RPH3AL: variants seen among roughly 807,000 people sequenced by gnomAD.
RPH3AL encodes rab effector Noc2.
RPH3AL carries 38 observed loss-of-function variants against 43.1 expected under a neutral mutation model. The observed-to-expected ratio is 0.88, with a 90% CI of 0.68 to 1.15. RPH3AL has a LOEUF of 1.15. RPH3AL is among the 50% of genes most tolerant of loss of function. The pLI, the probability that RPH3AL is intolerant of heterozygous loss-of-function variation, is 0.00. For synonymous variants in RPH3AL, 189 were observed against 176.3 expected (o/e 1.07, Z -0.57); for missense variants, 462 against 423.2 (o/e 1.09, Z -0.81).
At chr17:231,972 A>G (rs973433174) in intron 7 of RPH3AL, among the ~76,000 whole-genome samples, 22 of 152,356 alleles carry the variant, frequency 1.4e-4, no homozygotes, top group African/African-American at 5.0e-4. Flanking sequence ...CAGGAAAGCA[A>G]CAGCGGCTCA....
intron 8 of RPH3AL, among the ~76,000 whole-genome samples, chr17:218,625 A>G (rs1339992778): frequency 2.0e-5 from 3 of 152,202 alleles, no homozygotes; most frequent in Non-Finnish European, 4.4e-5. Flanking sequence ...TTTTCCCAGA[A>G]GTCCTTTGTG....
At chr17:233,252 T>C (rs1182497008) in intron 7 of RPH3AL, among the ~76,000 whole-genome samples, 1 of 152,144 alleles carries the variant, frequency 6.6e-6, no homozygotes, top group Non-Finnish European at 1.5e-5. Flanking sequence ...ACCCCCCGCC[T>C]GAAATTCCTC....
At chr17:297,287 G>A (rs575870407) in intron 5 of RPH3AL, among the ~76,000 whole-genome samples, 14 of 152,282 alleles carry the variant, frequency 9.2e-5, no homozygotes, top group South Asian at 2.1e-4. Flanking sequence ...AATATCCTTC[G>A]TCATAAACCA....
In RPH3AL at chr17:246,778, C is replaced by T. The variant is rs900411606; in HGVS notation, c.613+333G>A. Among the ~76,000 whole-genome samples, 1 of 152,224 alleles carries T rather than the reference C, an allele frequency of 6.6e-6. No individual in the cohort carries two copies. Among genetic ancestry groups the T allele is most frequent in the Non-Finnish European group, 1.5e-5 (1 of 68,040 alleles). ...GCCTGGGAAAGATGTAGGTTTTATA[C>T]TTTGCAAAATACCTTAATTGACGTC... On this transcript the variant is annotated intron_variant, in intron 7 of 9. Coordinates refer to ENST00000331302, the MANE Select transcript of RPH3AL (RefSeq NM_006987.4). This position sits in a 1 kb window ranked among gnomAD's most constrained non-coding sequence, Gnocchi z 4.8.
In RPH3AL at chr17:332,875, G is replaced by A. The variant is rs951179750; in HGVS notation, c.-37+884C>T. On this transcript the variant is annotated intron_variant, in intron 2 of 9. Coordinates refer to ENST00000331302, the MANE Select transcript of RPH3AL (RefSeq NM_006987.4). ...AGCACTCGGGCTGGCCGGCCCAGCA[G>A]GCAGATGTTCCGGAACCCTTGTAAA... 21 of 583,694 alleles carry A rather than the reference G, an allele frequency of 3.6e-5. No individual in the cohort carries two copies. The African/African-American group carries it at 3.7e-4, about 10-fold the overall frequency. The allele number at this position is 583,694 out of a possible 1,614,324, so 36.2% of individuals were successfully genotyped here.
intron 7 of RPH3AL, among the ~76,000 whole-genome samples, chr17:236,417 G>C (rs2041395979): frequency 6.6e-6 from 1 of 152,080 alleles, no homozygotes; most frequent in South Asian, 2.1e-4. Context: ...GCCTTAGCTG[G>C]CCACGCCATC....
chr17:270,278 A>G (rs1338378002), intron 6 of RPH3AL, among the ~76,000 whole-genome samples: 1 of 152,216 alleles, frequency 6.6e-6, no homozygotes, highest in African/African-American at 2.4e-5. Context: ...TGCAAGTAAC[A>G]GCAGAACCAG....
intron 5 of RPH3AL, among the ~76,000 whole-genome samples, chr17:298,000 GC>G (rs1324243114): frequency 1.3e-5 from 2 of 152,060 alleles, no homozygotes; most frequent in Non-Finnish European, 2.9e-5. Context: ...CACCGGCCTT[GC>G]CAAGCCCACC....
At position 306,611 on chromosome 17, in the gene RPH3AL, G is replaced by C. The variant is rs1230933013; in HGVS notation, c.351+12809C>G. 2.6e-5 allele frequency: 4 copies of C among 152,232 alleles called. No individual in the cohort carries two copies. The East Asian group carries it at 5.8e-4, about 22-fold the overall frequency. The allele number at this position is 152,232 out of a possible 1,614,324, so 9.4% of individuals were successfully genotyped here. On this transcript the variant is annotated intron_variant, in intron 5 of 9. Transcript: ENST00000331302. ...ATTCAGGCCTTCATTATGGCGAATTGGATAATTAGTATCCACGAATCCTCT... is the reference window on the plus strand; with the variant it reads ...ATTCAGGCCTTCATTATGGCGAATTCGATAATTAGTATCCACGAATCCTCT...
In RPH3AL at chr17:242,806, TATTG is replaced by T. The variant is rs534045448; in HGVS notation, c.613+4301_613+4304del. 1.3e-3 allele frequency among the ~76,000 whole-genome samples: 170 copies of T among 132,790 alleles called. 11 individuals are homozygous for T. Among genetic ancestry groups the T allele is most frequent in the African/African-American group, 4.4e-3 (155 of 35,522 alleles). The allele number at this position is 132,790 out of a possible 152,430, so 87.1% of individuals were successfully genotyped here. A position where few individuals can be genotyped will look rare whatever the true frequency, so the allele number is the denominator to read the frequency against. Reference sequence around the variant, plus strand: ...CCTTCCTCTAATGACTACCTTCCTCTATTGATTACCTTCCTCTATTGATTACCCT... The same window carrying T: ...CCTTCCTCTAATGACTACCTTCCTCTATTACCTTCCTCTATTGATTACCCT... On this transcript the variant is annotated intron_variant, in intron 7 of 9. Transcript: ENST00000331302.
rs902604573 is a variant in RPH3AL, at chr17:213,779, C to T, written c.*73G>A. On this transcript the variant is annotated 3_prime_UTR_variant, in exon 10 of 10. Transcript: ENST00000331302. ...AGGGTGTCTGGTGAGGGCACAAGGA[C>T]CGGTCAGGGAGGAGCCGGGCAGGGT... 5.4e-5 allele frequency: 67 copies of T among 1,251,584 alleles called. 2 individuals are homozygous for T. Among genetic ancestry groups the T allele is most frequent in the Non-Finnish European group, 5.4e-5 (47 of 865,222 alleles). 77.5% of individuals were successfully genotyped at this position (1,251,584 alleles called of 1,614,324 possible). A position where few individuals can be genotyped will look rare whatever the true frequency, so the allele number is the denominator to read the frequency against.
chr17:253,797 CATCCCTA>C lies in RPH3AL; in HGVS notation c.439-6519_439-6513del, dbSNP rs1555543663. Among the ~76,000 whole-genome samples the C allele has an allele frequency of 4.6e-4, 36 of 79,000 alleles. 1 individual carries two copies. Among genetic ancestry groups the C allele is most frequent in the South Asian group, 3.6e-3 (6 of 1,650 alleles). The allele number at this position is 79,000 out of a possible 152,430, so 51.8% of individuals were successfully genotyped here. Reference sequence around the variant, plus strand: ...GAGCCGCACGGCGTCTGTCCTTTTCCATCCCTAGGAACGTGACTACCCTACGTACTTC... The same window carrying C: ...GAGCCGCACGGCGTCTGTCCTTTTCCGGAACGTGACTACCCTACGTACTTC... On this transcript the variant is annotated intron_variant, in intron 6 of 9. Transcript: ENST00000331302.
At chr17:332,397 C>G (rs1362159663) in intron 2 of RPH3AL, 1 of 175,872 alleles carries the variant, frequency 5.7e-6, no homozygotes, top group Non-Finnish European at 1.2e-5. Context: ...AGGAGCCCGC[C>G]CAGAAGTGTT....
intron 2 of RPH3AL, chr17:332,772 C>T (rs1315688638): frequency 3.2e-6 from 1 of 312,642 alleles, no homozygotes; most frequent in African/African-American, 2.1e-5. Flanking sequence ...GGCTGGTGCC[C>T]CCAGGAGCCT....
rs1171055889 is a variant in RPH3AL, at chr17:346,022, T to C, written c.-213+6690A>G. ...CAATGATCAATTAGGAGAACCACCA[T>C]TGAGGGCTTACCATTTGCAAGGTTT... is the stretch of plus-strand genomic sequence containing the variant. On this transcript the variant is annotated intron_variant, in intron 1 of 9. Coordinates refer to ENST00000331302, the MANE Select transcript of RPH3AL (RefSeq NM_006987.4). 2.2e-5 allele frequency among the ~76,000 whole-genome samples: 3 copies of C among 135,356 alleles called. 1 individual carries two copies. Among genetic ancestry groups the C allele is most frequent in the Admixed American group, 1.4e-4 (2 of 14,050 alleles). 88.8% of individuals were successfully genotyped at this position (135,356 alleles called of 152,430 possible). A position where few individuals can be genotyped will look rare whatever the true frequency, so the allele number is the denominator to read the frequency against.
Position 279,140 on chromosome 17 carries a change from C to T in RPH3AL, c.438+2628G>A, listed in dbSNP as rs114099627. Among the ~76,000 whole-genome samples the T allele has an allele frequency of 2.1e-3, 326 of 152,262 alleles. 3 individuals carry two copies. The highest frequency in any genetic ancestry group is 6.9e-3 in the African/African-American group (288 of 41,548). On this transcript the variant is annotated intron_variant, in intron 6 of 9. Transcript: ENST00000331302. Reference sequence around the variant, plus strand: ...GCTTAAAATCTGACATTTTAAACGGCCTTTCTAGTTAGTTATCTCTTCATT... The same window carrying T: ...GCTTAAAATCTGACATTTTAAACGGTCTTTCTAGTTAGTTATCTCTTCATT...
At chr17:265,982 C>T (rs1336431310) in intron 6 of RPH3AL, among the ~76,000 whole-genome samples, 1 of 152,338 alleles carries the variant, frequency 6.6e-6, no homozygotes, top group Admixed American at 6.5e-5. Flanking sequence ...AGCAAGCGAT[C>T]CAAGCCCCCA....
chr17:231,373 T>C (rs1219403449), intron 7 of RPH3AL, among the ~76,000 whole-genome samples: 1 of 152,208 alleles, frequency 6.6e-6, no homozygotes, highest in Non-Finnish European at 1.5e-5. Context: ...TAGGGAGGCC[T>C]GCCTGCCCCT....
At chr17:268,553 G>GTTTTTTTTTTTTTT (rs5818749) in intron 6 of RPH3AL, among the ~76,000 whole-genome samples, 4 of 74,516 alleles carry the variant, frequency 5.4e-5, no homozygotes, top group African/African-American at 1.1e-4. Flanking sequence ...ATGTTTTTGG[G>GTTTTTTTTTTTTTT]TTTTTTTTTT....
Sources: gnomAD v4.1 joint callset for allele counts (sites outside exome capture counted in the v4.1 genomes callset) on GRCh38, gnomAD v4.1.1 for gene constraint, Gnocchi (gnomAD v3.1) non-coding constraint, MANE v1.5 for transcripts, NCBI Gene and HGNC (gene_info 2026-07-23, HGNC 2026-07-21) for gene names.